The following NXNL2 variants were observed in gnomAD, a reference collection of about 807,000 sequenced individuals.
NXNL2 encodes the protein nucleoredoxin-like protein 2.
A neutral mutation model predicts 11.1 loss-of-function variants in NXNL2; 7 were observed. That is an observed-to-expected ratio of 0.63 (90% CI 0.36 to 1.18). The LOEUF (loss-of-function observed/expected upper bound fraction) is 1.18, where lower values mean the gene tolerates loss of function less well. Among genes scored for constraint, NXNL2 ranks in the 50% most tolerant of loss-of-function variants. NXNL2 has a pLI of 0.02. For synonymous variants in NXNL2, 109 were observed against 101.8 expected, an observed-to-expected ratio of 1.07 and a Z score of -0.42; for missense variants, 233 against 217.7, an observed-to-expected ratio of 1.07 and a Z score of -0.44.
chr9:88,547,422 A>T (rs1829859742), downstream of NXNL2, among the ~76,000 whole-genome samples: 2 of 152,120 alleles, frequency 1.3e-5, no homozygotes, highest in Admixed American at 1.3e-4. Flanking sequence ...TATACACCAC[A>T]CATATAACCT....
chr9:88,542,992 G>A (rs34564725), intron 1 of NXNL2, among the ~76,000 whole-genome samples: 147 of 152,308 alleles, frequency 9.7e-4, no homozygotes, highest in South Asian at 2.1e-3. Context: ...TGGTAAACAG[G>A]AAAGGGATTT....
chr9:88,547,723 A>G (rs1829864261), downstream of NXNL2, among the ~76,000 whole-genome samples: 1 of 152,188 alleles, frequency 6.6e-6, no homozygotes, highest in Non-Finnish European at 1.5e-5. Context: ...ATTTTTGTTT[A>G]AGAATTATCT....
chr9:88,538,714 G>C (rs139949585), intron 1 of NXNL2, among the ~76,000 whole-genome samples: 88 of 152,358 alleles, frequency 5.8e-4, no homozygotes, highest in African/African-American at 2.0e-3. Context: ...TAGATATGCT[G>C]ACTGAGCAGT....
intron 1 of NXNL2, among the ~76,000 whole-genome samples, chr9:88,582,313 CA>C (rs1830416935): frequency 6.6e-6 from 1 of 151,868 alleles, no homozygotes; most frequent in Non-Finnish European, 1.5e-5. Context: ...GCTAAAAATA[CA>C]AAAAATTAGC....
intron 1 of NXNL2, 87 bp from the exon 2 acceptor site, chr9:88,544,292 C>A: frequency 8.0e-7 from 1 of 1,243,268 alleles, no homozygotes; most frequent in Non-Finnish European, 1.1e-6. Context: ...TCCAAGTTGG[C>A]TGTACCTCAG....
intron 2 of NXNL2, chr9:88,571,350 G>A (rs951377388): frequency 3.4e-5 from 7 of 203,050 alleles, no homozygotes; most frequent in Admixed American, 3.4e-4. Context: ...GATTACATGT[G>A]TGAGCCACAG....
chr9:88,550,069 C>T (rs560702279), intron 1 of NXNL2, among the ~76,000 whole-genome samples: 68 of 152,226 alleles, frequency 4.5e-4, no homozygotes, highest in Non-Finnish European at 7.1e-4. Context: ...CTGCCCACCT[C>T]GGCCTCCCAA....
Position 88,535,190 on chromosome 9 carries a change from C to G in NXNL2, c.-245C>G, listed in dbSNP as rs907373383. ...TGGCCCCGCTCCCAGAGGCGGGTGC[C>G]GCGCTGTCGCCCAGGTATCTGGGGT... On this transcript the variant is annotated 5_prime_UTR_variant, in exon 1 of 2. Transcript: ENST00000375854. 1.3e-5 allele frequency: 7 copies of G among 542,464 alleles called. No individual in the cohort carries two copies. The highest frequency in any genetic ancestry group is 2.2e-5 in the Non-Finnish European group (7 of 312,000). 33.6% of individuals were successfully genotyped at this position (542,464 alleles called of 1,614,324 possible). A position where few individuals can be genotyped will look rare whatever the true frequency, so the allele number is the denominator to read the frequency against.
At chr9:88,553,567 G>A (rs556963312) in intron 1 of NXNL2, among the ~76,000 whole-genome samples, 1 of 152,268 alleles carries the variant, frequency 6.6e-6, no homozygotes, top group East Asian at 1.9e-4. Flanking sequence ...TGCTACATCA[G>A]CAGCTGGGTC....
chr9:88,547,808 G>A (rs1489484071), downstream of NXNL2, among the ~76,000 whole-genome samples: 1 of 152,020 alleles, frequency 6.6e-6, no homozygotes, highest in Admixed American at 6.6e-5. Flanking sequence ...CCTAAGGTCA[G>A]AAGTTCAAGA....
intron 1 of NXNL2, among the ~76,000 whole-genome samples, chr9:88,553,357 A>AAACAAC (rs138383279): frequency 6.6e-6 from 1 of 151,922 alleles, no homozygotes; most frequent in African/African-American, 2.4e-5. Context: ...AAAAAAGCCC[A>AAACAAC]AACAACAACA....
intron 1 of NXNL2, among the ~76,000 whole-genome samples, chr9:88,565,439 T>C (rs1414471581): frequency 6.6e-6 from 1 of 152,244 alleles, no homozygotes; most frequent in Non-Finnish European, 1.5e-5. Flanking sequence ...TTGTTCCATA[T>C]TGTTTTCCAT....
intron 1 of NXNL2, among the ~76,000 whole-genome samples, chr9:88,555,953 G>A (rs1445049051): frequency 6.6e-6 from 1 of 152,218 alleles, no homozygotes; most frequent in Non-Finnish European, 1.5e-5. Flanking sequence ...ACAGGCATGG[G>A]CTCCATGAAA....
chr9:88,545,819 T>A (rs763032177), downstream of NXNL2, among the ~76,000 whole-genome samples: 1 of 151,980 alleles, frequency 6.6e-6, no homozygotes, highest in Non-Finnish European at 1.5e-5. Context: ...CAGCCTGGAG[T>A]GCAATGGCGC....
At chr9:88,558,689 G>A (rs1830048924) in intron 1 of NXNL2, among the ~76,000 whole-genome samples, 1 of 152,094 alleles carries the variant, frequency 6.6e-6, no homozygotes, top group African/African-American at 2.4e-5. Context: ...CTAACTATAG[G>A]CAGGTTGTGT....
intron 1 of NXNL2, among the ~76,000 whole-genome samples, chr9:88,581,657 T>C (rs954946302): frequency 6.6e-6 from 1 of 152,188 alleles, no homozygotes; most frequent in Non-Finnish European, 1.5e-5. Context: ...GGTTTCTCCA[T>C]GTTCGTCAGG....
chr9:88,581,411 G>T (rs1322174289), intron 1 of NXNL2, among the ~76,000 whole-genome samples: 1 of 149,436 alleles, frequency 6.7e-6, no homozygotes, highest in African/African-American at 2.5e-5. Context: ...GTGAGCATGA[G>T]TAATTTTAAA....
rs755423161 is a variant in NXNL2 at position 88,535,614 on chromosome 9, G to A, written c.180G>A (p.Arg60=). Residue 60 remains arginine (R), a synonymous_variant, in exon 1 of 2, where the codon CGG becomes CGA. Coordinates refer to ENST00000375854, the MANE Select transcript of NXNL2 (RefSeq NM_001161625.2). Reference sequence around the variant, plus strand: ...ATACGGCGCTGGTGGCCGAGGCGCGGCGGCCCGCGCCCTTCGAAGTGGTCT... The same window carrying A: ...ATACGGCGCTGGTGGCCGAGGCGCGACGGCCCGCGCCCTTCGAAGTGGTCT... The part of the protein sequence containing the change: ...DFYTALVAEA[R]RPAPFEVVFV... 1 of 1,608,640 alleles carries A rather than the reference G, an allele frequency of 6.2e-7. No individual in the cohort carries two copies. Among genetic ancestry groups the A allele is most frequent in the South Asian group, 1.1e-5 (1 of 91,006 alleles).
At chr9:88,573,572 T>C (rs951531251) in intron 2 of NXNL2, among the ~76,000 whole-genome samples, 2 of 152,148 alleles carry the variant, frequency 1.3e-5, no homozygotes, top group African/African-American at 4.8e-5. Flanking sequence ...ATCATCACAC[T>C]AGGGGATTGA....
Sources: allele counts gnomAD v4.1 joint callset (sites outside exome capture counted in the v4.1 genomes callset), GRCh38; gene constraint gnomAD v4.1.1; transcripts MANE v1.5; gene names NCBI Gene and HGNC (gene_info 2026-07-23, HGNC 2026-07-21).